Variants in UPF2 observed in about 807,000 individuals in gnomAD.
UPF2 encodes regulator of nonsense transcripts 2.
A neutral mutation model predicts 141.4 loss-of-function variants in UPF2; 17 were observed. The ratio of observed to expected loss-of-function variants is 0.12; its 90% confidence interval spans 0.08 to 0.18. The LOEUF (loss-of-function observed/expected upper bound fraction) is 0.18, where lower values mean the gene tolerates loss of function less well. Ranked by LOEUF, UPF2 falls within the 10% of genes least tolerant of loss-of-function variation. UPF2 has a pLI of 1.00. For synonymous variants in UPF2, 540 were observed against 498.0 expected, an observed-to-expected ratio of 1.08 and a Z score of -1.12; for missense variants, 1,152 against 1,515.9, an observed-to-expected ratio of 0.76 and a Z score of 3.99.
chr10:11,971,070 A>G (rs916130870), intron 9 of UPF2, among the ~76,000 whole-genome samples: 3 of 152,110 alleles, frequency 2.0e-5, no homozygotes, highest in Non-Finnish European at 4.4e-5. Context: ...GAAATATTAT[A>G]AAGGTTAAGG....
At chr10:12,008,981 G>A (rs1834084362) in intron 4 of UPF2, among the ~76,000 whole-genome samples, 1 of 151,940 alleles carries the variant, frequency 6.6e-6, no homozygotes, top group Non-Finnish European at 1.5e-5. Flanking sequence ...TGAGAATGAT[G>A]GCTTCCAGCT....
At chr10:11,927,234 T>C (rs1403175902) in intron 21 of UPF2, among the ~76,000 whole-genome samples, 1 of 152,174 alleles carries the variant, frequency 6.6e-6, no homozygotes, top group Non-Finnish European at 1.5e-5. Context: ...CTACACAAAT[T>C]ACTAAGACAC....
chr10:11,934,802 C>A (rs540117570), intron 19 of UPF2, among the ~76,000 whole-genome samples: 14 of 152,208 alleles, frequency 9.2e-5, no homozygotes, highest in Admixed American at 7.9e-4. Context: ...GTTGGTCAGG[C>A]TGGTCTTGAA....
chr10:11,955,964 A>G (rs1833142524), intron 13 of UPF2, among the ~76,000 whole-genome samples: 1 of 152,114 alleles, frequency 6.6e-6, no homozygotes, highest in Non-Finnish European at 1.5e-5. Context: ...CGACATGGCA[A>G]AACCCCGTCT....
At chr10:12,041,842 A>G (rs1446786544) in intron 1 of UPF2, among the ~76,000 whole-genome samples, 1 of 152,224 alleles carries the variant, frequency 6.6e-6, no homozygotes, top group Admixed American at 6.5e-5. Flanking sequence ...ATAAAGCGTC[A>G]GCGAGGGTTT....
At chr10:12,008,836 C>G (rs566628346) in intron 4 of UPF2, among the ~76,000 whole-genome samples, 3 of 152,186 alleles carry the variant, frequency 2.0e-5, no homozygotes, top group Admixed American at 6.5e-5. Flanking sequence ...AATGCTCTCC[C>G]TCCCCTTACC....
At chr10:12,008,629 CAAA>C (rs60750390) in intron 4 of UPF2, among the ~76,000 whole-genome samples, 176 of 74,942 alleles carry the variant, frequency 2.3e-3, no homozygotes, top group African/African-American at 6.6e-3. Flanking sequence ...GACACCACCT[CAAA>C]AAAAAAAAAA....
intron 14 of UPF2, among the ~76,000 whole-genome samples, chr10:11,954,696 C>A (rs1415016160): frequency 6.8e-6 from 1 of 146,860 alleles, no homozygotes; most frequent in Non-Finnish European, 1.5e-5. Flanking sequence ...AGAATTTGGG[C>A]TGGGCGCGAT....
At position 11,942,800 on chromosome 10, in the gene UPF2, T is replaced by C. The variant is rs558695630; in HGVS notation, c.3280-37A>G. 7 of 1,590,268 alleles carry C rather than the reference T, an allele frequency of 4.4e-6. No homozygotes were observed. In the Admixed American group the frequency reaches 1.0e-4, roughly 23 times the overall value. ...AAAACAACAAAATCAGACCAGAAAT[T>C]TTAACTGTAATGTTTTCTAGGGCAA... On this transcript the variant is annotated intron_variant, in intron 17 of 21. Coordinates refer to ENST00000357604, the MANE Select transcript of UPF2 (RefSeq NM_015542.4).
chr10:11,924,255 A>T (rs1832683110), intron 21 of UPF2, among the ~76,000 whole-genome samples: 2 of 152,226 alleles, frequency 1.3e-5, no homozygotes, highest in South Asian at 4.1e-4. Flanking sequence ...ACAAATTAAA[A>T]TCTGGGAGTC....
chr10:11,951,009 T>C (rs971578638), intron 15 of UPF2, among the ~76,000 whole-genome samples: 3 of 152,230 alleles, frequency 2.0e-5, no homozygotes, highest in Admixed American at 6.5e-5. Flanking sequence ...TACCAAGTTC[T>C]AGTGGGAAAT....
chr10:12,016,924 G>A lies in UPF2; in HGVS notation c.1146-2740C>T, dbSNP rs1834231744. ...AATCCTAGCTCCTTGGGAGGCTGAG[G>A]CAGGAGAATCATTTGAACTCGGAAG... On this transcript the variant is annotated intron_variant, in intron 3 of 21. Transcript: ENST00000357604. The surrounding 1 kb of genome is among the most constrained non-coding windows in gnomAD (Gnocchi z 4.1). Among the ~76,000 whole-genome samples, 1 of 150,828 alleles carries A rather than the reference G, an allele frequency of 6.6e-6. No individual in the cohort carries two copies. Among genetic ancestry groups the A allele is most frequent in the African/African-American group, 2.4e-5 (1 of 40,946 alleles).
In UPF2 at chr10:11,929,892, G is replaced by A. The variant is rs748642499; in HGVS notation, c.3782C>T (p.Ala1261Val). ...CCCACCAGTCTTAAAGATTAGATCT[G>A]CATTAGGTGCTCCCTTCGGATGTTG... ...RYQHPKGAPNADLIFKTGGRR... is the reference protein window; with the variant it reads ...RYQHPKGAPNVDLIFKTGGRR... The change falls in exon 21 of 22, where the codon GCA (alanine) becomes GTA (valine). Residue 1261 changes from alanine to valine, a missense_variant. Coordinates refer to ENST00000357604, the MANE Select transcript of UPF2 (RefSeq NM_015542.4). 1.7e-5 allele frequency: 27 copies of A among 1,614,078 alleles called. No individual in the cohort carries two copies. Among genetic ancestry groups the A allele is most frequent in the Non-Finnish European group, 2.0e-5 (24 of 1,180,038 alleles).
Position 11,939,804 on chromosome 10 carries a change from A to AC in UPF2, c.3378+2860dup, listed in dbSNP as rs2131167170. ...AGTGCTGGGATTACAGGTGTGAGCC[A>AC]CAGTGCCCAGCCATGTTTTCATATC... On this transcript the variant is annotated intron_variant, in intron 18 of 21. Coordinates refer to ENST00000357604, the MANE Select transcript of UPF2 (RefSeq NM_015542.4). The surrounding 1 kb of genome is among the most constrained non-coding windows in gnomAD (Gnocchi z 4.8). Among the ~76,000 whole-genome samples, 1 of 152,324 alleles carries AC rather than the reference A, an allele frequency of 6.6e-6. No individual in the cohort carries two copies. Among genetic ancestry groups the AC allele is most frequent in the South Asian group, 2.1e-4 (1 of 4,832 alleles).
chr10:11,954,633 CAAA>C (rs199644138), intron 14 of UPF2, among the ~76,000 whole-genome samples: 26 of 128,014 alleles, frequency 2.0e-4, no homozygotes, highest in Non-Finnish European at 3.1e-4. Context: ...GACTTACTCT[CAAA>C]AAAAAAAATA....
At chr10:11,993,883 C>T (rs773921536) in intron 8 of UPF2, among the ~76,000 whole-genome samples, 2 of 151,824 alleles carry the variant, frequency 1.3e-5, no homozygotes, top group Admixed American at 6.6e-5. Context: ...CGGCTACTTG[C>T]GAGGCTAACG....
chr10:11,975,924 T>C (rs1833500420), intron 9 of UPF2, among the ~76,000 whole-genome samples: 1 of 152,210 alleles, frequency 6.6e-6, no homozygotes, highest in African/African-American at 2.4e-5. Context: ...ATGATCAGTT[T>C]TCCCTATTAG....
upstream of UPF2, chr10:12,042,923 C>A (rs1834766369): frequency 6.6e-6 from 1 of 152,090 alleles, no homozygotes; most frequent in African/African-American, 2.4e-5. The surrounding 1 kb of genome is among the most constrained non-coding windows in gnomAD (Gnocchi z 5.5). Context: ...CCAGCGCGGC[C>A]GGGCTGAGAG....
chr10:12,039,082 T>C (rs915679967), intron 1 of UPF2, among the ~76,000 whole-genome samples: 2 of 152,200 alleles, frequency 1.3e-5, no homozygotes, highest in Non-Finnish European at 2.9e-5. Context: ...AAAAAGACTA[T>C]AATACTAATA....
Sources: allele counts gnomAD v4.1 joint callset (sites outside exome capture counted in the v4.1 genomes callset), GRCh38; gene constraint gnomAD v4.1.1; non-coding constraint Gnocchi (gnomAD v3.1); transcripts MANE v1.5; gene names NCBI Gene and HGNC (gene_info 2026-07-23, HGNC 2026-07-21).